MAGI2: variants seen among roughly 807,000 people sequenced by gnomAD.
MAGI2 encodes the protein membrane-associated guanylate kinase, WW and PDZ domain-containing protein 2.
A neutral mutation model predicts 133.3 loss-of-function variants in MAGI2; 35 were observed. That is an observed-to-expected ratio of 0.26 (90% CI 0.20 to 0.35). MAGI2 has a LOEUF of 0.35. MAGI2 is among the 10% of genes least tolerant of loss of function. The probability of loss-of-function intolerance (pLI) is 1.00; values close to 1 mark genes in which losing one functional copy is unlikely to be tolerated. For synonymous variants in MAGI2, 729 were observed against 710.6 expected (o/e 1.03, Z -0.41); for missense variants, 1,636 against 1,863.4 (o/e 0.88, Z 2.25).
intron 9 of MAGI2, among the ~76,000 whole-genome samples, chr7:78,288,167 CTTTT>C (rs1303743320): frequency 1.3e-5 from 2 of 152,072 alleles, no homozygotes; most frequent in African/African-American, 4.8e-5. Flanking sequence ...TCCAGCAGTG[CTTTT>C]GCTCATTTCA....
rs74907807 is a variant in MAGI2, at chr7:79,312,891, C to T, written c.301+140129G>A. On this transcript the variant is annotated intron_variant, in intron 1 of 21. Transcript: ENST00000354212. ...TGCAGTTGCACCGTACAGGCACCCT[C>T]CTCCCCCTCCACCCACCGCCTTCTT... 5.1e-3 allele frequency among the ~76,000 whole-genome samples: 781 copies of T among 152,244 alleles called. 4 individuals are homozygous for T. Among genetic ancestry groups the T allele is most frequent in the African/African-American group, 0.018 (739 of 41,560 alleles).
At chr7:79,364,086 G>T (rs1374257635) in intron 1 of MAGI2, among the ~76,000 whole-genome samples, 2 of 151,822 alleles carry the variant, frequency 1.3e-5, no homozygotes, top group Non-Finnish European at 3.0e-5. Context: ...AAAGAAAAAA[G>T]ATAAGTGTTG....
chr7:78,286,783 G>T (rs1327867680), intron 9 of MAGI2, among the ~76,000 whole-genome samples: 1 of 152,166 alleles, frequency 6.6e-6, no homozygotes, highest in Non-Finnish European at 1.5e-5. Context: ...AGGCTTCATG[G>T]TCTCAGAGAG....
chr7:78,042,469 G>A (rs735406), intron 21 of MAGI2, among the ~76,000 whole-genome samples: 69,512 of 151,986 alleles, frequency 0.46, 16,018 homozygotes, highest in African/African-American at 0.5. Flanking sequence ...TCAAGAGGGC[G>A]TGAACTCCTC....
intron 2 of MAGI2, among the ~76,000 whole-genome samples, chr7:78,697,404 G>C (rs996704046): frequency 6.6e-6 from 1 of 152,166 alleles, no homozygotes; most frequent in African/African-American, 2.4e-5. Context: ...AAACTTTTGA[G>C]ACTGAGTGCA....
At chr7:78,355,919 A>G (rs1163702223) in intron 7 of MAGI2, among the ~76,000 whole-genome samples, 1 of 152,190 alleles carries the variant, frequency 6.6e-6, no homozygotes, top group Non-Finnish European at 1.5e-5. Context: ...AACGTGTTTT[A>G]CCAGAAAATG....
intron 1 of MAGI2, among the ~76,000 whole-genome samples, chr7:79,432,502 C>T (rs1847844043): frequency 6.6e-6 from 1 of 152,204 alleles, no homozygotes; most frequent in Non-Finnish European, 1.5e-5. Context: ...AGGTGGGAAC[C>T]TGAGTGGAGC....
At chr7:78,691,800 C>T (rs995715215) in intron 2 of MAGI2, among the ~76,000 whole-genome samples, 4 of 152,122 alleles carry the variant, frequency 2.6e-5, no homozygotes, top group Non-Finnish European at 5.9e-5. Flanking sequence ...GGAAGTGAAA[C>T]TACCCTGTAT....
At chr7:78,340,839 C>T (rs1274792656) in intron 9 of MAGI2, among the ~76,000 whole-genome samples, 1 of 152,120 alleles carries the variant, frequency 6.6e-6, no homozygotes, top group African/African-American at 2.4e-5. Context: ...GACAAACCCA[C>T]AGCCAATATC....
chr7:78,654,739 A>G lies in MAGI2; in HGVS notation c.419-27500T>C, dbSNP rs1027468824. 1.4e-4 allele frequency among the ~76,000 whole-genome samples: 9 copies of G among 63,680 alleles called. 1 individual carries two copies. Among genetic ancestry groups the G allele is most frequent in the African/African-American group, 5.5e-4 (9 of 16,232 alleles). 41.8% of individuals were successfully genotyped at this position (63,680 alleles called of 152,430 possible). On this transcript the variant is annotated intron_variant, in intron 2 of 21. Coordinates refer to ENST00000354212, the MANE Select transcript of MAGI2 (RefSeq NM_012301.4). ...TATATATATATATATATATATATAT[A>G]TATATATATAGCATATATTTTGCAT...
At chr7:79,214,361 CT>C (rs1829777644) in intron 1 of MAGI2, among the ~76,000 whole-genome samples, 2 of 14,878 alleles carry the variant, frequency 1.3e-4, no homozygotes, top group Non-Finnish European at 1.2e-4. Flanking sequence ...CATTACGCAC[CT>C]CTCTCTCTCT....
intron 2 of MAGI2, among the ~76,000 whole-genome samples, chr7:78,739,129 CT>C (rs1031507083): frequency 4.6e-4 from 70 of 152,222 alleles, no homozygotes; most frequent in African/African-American, 1.6e-3. Flanking sequence ...CAGGTGAATG[CT>C]TTTTTCCCCC....
intron 7 of MAGI2, among the ~76,000 whole-genome samples, chr7:78,364,449 T>C (rs1793168045): frequency 6.6e-6 from 1 of 152,212 alleles, no homozygotes; most frequent in African/African-American, 2.4e-5. Flanking sequence ...ACATTAAATG[T>C]TACATTCAAG....
At chr7:78,525,994 C>T (rs2150601464) in intron 3 of MAGI2, among the ~76,000 whole-genome samples, 1 of 152,250 alleles carries the variant, frequency 6.6e-6, no homozygotes, top group Non-Finnish European at 1.5e-5. Flanking sequence ...AAATAGGGTG[C>T]TACTTTTGGT....
intron 3 of MAGI2, among the ~76,000 whole-genome samples, chr7:78,542,175 A>G (rs969719567): frequency 1.3e-5 from 2 of 152,246 alleles, no homozygotes; most frequent in Admixed American, 1.3e-4. Context: ...ATACTCTTTA[A>G]AAATGTAAAA....
intron 21 of MAGI2, among the ~76,000 whole-genome samples, chr7:78,044,985 G>T (rs1811273826): frequency 6.6e-6 from 1 of 152,082 alleles, no homozygotes; most frequent in Non-Finnish European, 1.5e-5. Flanking sequence ...TGGCCAACAC[G>T]GTGAAACCCC....
intron 3 of MAGI2, among the ~76,000 whole-genome samples, chr7:78,527,191 C>A (rs1251922087): frequency 6.6e-6 from 1 of 152,054 alleles, no homozygotes; most frequent in Non-Finnish European, 1.5e-5. Flanking sequence ...TAATTATGAG[C>A]TAAACCTGCC....
intron 2 of MAGI2, among the ~76,000 whole-genome samples, chr7:78,898,125 C>G (rs1175758824): frequency 6.6e-6 from 1 of 152,018 alleles, no homozygotes; most frequent in Non-Finnish European, 1.5e-5. Context: ...AAATCAAAAC[C>G]ACAATTAGAT....
intron 12 of MAGI2, among the ~76,000 whole-genome samples, chr7:78,188,625 T>C (rs931954273): frequency 1.3e-5 from 2 of 152,160 alleles, no homozygotes; most frequent in African/African-American, 2.4e-5. Flanking sequence ...CCAGAGAACA[T>C]ACGTGGGGGG....
Sources: gnomAD v4.1 joint callset for allele counts (sites outside exome capture counted in the v4.1 genomes callset) on GRCh38, gnomAD v4.1.1 for gene constraint, MANE v1.5 for transcripts, NCBI Gene and HGNC (gene_info 2026-07-23, HGNC 2026-07-21) for gene names.